The following MED15 variants were observed in gnomAD, a reference collection of about 807,000 sequenced individuals.
MED15 encodes mediator complex subunit 15.
Under a neutral mutation model 118.7 loss-of-function variants are expected in MED15, and 41 were observed. The observed-to-expected ratio is 0.35, with a 90% CI of 0.27 to 0.45. The LOEUF (loss-of-function observed/expected upper bound fraction) is 0.45, where lower values mean the gene tolerates loss of function less well. Among genes scored for constraint, MED15 ranks in the 20% least tolerant of loss-of-function variants. The probability of loss-of-function intolerance (pLI) is 1.00; values close to 1 mark genes in which losing one functional copy is unlikely to be tolerated. For synonymous variants in MED15, 436 were observed against 413.9 expected, an observed-to-expected ratio of 1.05 and a Z score of -0.65; for missense variants, 740 against 1,025.5, an observed-to-expected ratio of 0.72 and a Z score of 3.80.
intron 1 of MED15, among the ~76,000 whole-genome samples, chr22:20,520,540 T>C (rs2054409340): frequency 6.6e-6 from 1 of 152,148 alleles, no homozygotes; most frequent in Non-Finnish European, 1.5e-5. Context: ...GGCTCAGAGC[T>C]CTTGCTTATT....
At chr22:20,573,563 G>A (rs1403688370) in intron 8 of MED15, 1 of 152,192 alleles carries the variant, frequency 6.6e-6, no homozygotes, top group Non-Finnish European at 1.5e-5. Flanking sequence ...TGTGTGTTGG[G>A]AAGTAGTGAA....
rs531013276 is a variant in MED15, at chr22:20,521,275, T to G, written c.68+13529T>G. On this transcript the variant is annotated intron_variant, in intron 1 of 17. Coordinates refer to ENST00000263205, the MANE Select transcript of MED15 (RefSeq NM_001003891.3). ...CCATGCCTAGCTAATTTTTATATTT[T>G]TAGTAGAGACTGGGTTTTGCCATGT... Among the ~76,000 whole-genome samples, 14 of 151,504 alleles carry G rather than the reference T, an allele frequency of 9.2e-5. No individual in the cohort carries two copies. In the South Asian group the frequency reaches 2.9e-3, roughly 32 times the overall value.
chr22:20,531,402 G>A (rs75648513), intron 1 of MED15, among the ~76,000 whole-genome samples: 5,533 of 152,296 alleles, frequency 0.036, 306 homozygotes, highest in African/African-American at 0.13. Context: ...GCCTCTCAGA[G>A]CCCCTCCTTT....
chr22:20,546,511 G>T (rs4821970), intron 2 of MED15, among the ~76,000 whole-genome samples: 112,975 of 133,486 alleles, frequency 0.85, 48,040 homozygotes, highest in African/African-American at 0.94. Context: ...AGTTTTTTTT[G>T]TTTTTTTTTT....
chr22:20,510,537 G>A (rs954839542), intron 1 of MED15, among the ~76,000 whole-genome samples: 1 of 152,208 alleles, frequency 6.6e-6, no homozygotes, highest in Admixed American at 6.5e-5. Flanking sequence ...ATGCCTTGGG[G>A]TGGAACTTGC....
At chr22:20,569,395 G>C (rs1211889303) in intron 8 of MED15, among the ~76,000 whole-genome samples, 1 of 152,244 alleles carries the variant, frequency 6.6e-6, no homozygotes, top group African/African-American at 2.4e-5. Context: ...GCTTTAGAAA[G>C]AGTCAGAATG....
chr22:20,529,944 G>A (rs1250251989), intron 1 of MED15, among the ~76,000 whole-genome samples: 2 of 152,070 alleles, frequency 1.3e-5, no homozygotes, highest in East Asian at 1.9e-4. Flanking sequence ...GGCTGGTCTC[G>A]AACTCCTGAC....
intron 2 of MED15, among the ~76,000 whole-genome samples, chr22:20,540,780 A>G (rs1326227340): frequency 1.3e-5 from 2 of 152,176 alleles, no homozygotes; most frequent in Non-Finnish European, 1.5e-5. Context: ...CTTGTACATC[A>G]TAGGACACTG....
chr22:20,537,212 C>A lies in MED15; in HGVS notation c.156+8C>A, dbSNP rs781683161. ...CTGAAGGCCAAGACCCGGGTAAGGCCCTAGTAAGTGGAGCCACTCTGGCAG... is the reference window on the plus strand; with the variant it reads ...CTGAAGGCCAAGACCCGGGTAAGGCACTAGTAAGTGGAGCCACTCTGGCAG... On this transcript the variant is annotated splice_region_variant and intron_variant, in intron 2 of 17. Transcript: ENST00000263205. 3.8e-6 allele frequency: 6 copies of A among 1,594,964 alleles called. No homozygotes were observed. Among genetic ancestry groups the A allele is most frequent in the Non-Finnish European group, 5.1e-6 (6 of 1,170,878 alleles).
intron 9 of MED15, among the ~76,000 whole-genome samples, chr22:20,577,682 G>T (rs1338094635): frequency 6.6e-6 from 1 of 151,858 alleles, no homozygotes; most frequent in East Asian, 1.9e-4. Context: ...GCGCTCTCAT[G>T]GGAAGATGCT....
At chr22:20,548,211 G>C (rs1452306905) in intron 2 of MED15, among the ~76,000 whole-genome samples, 2 of 152,026 alleles carry the variant, frequency 1.3e-5, no homozygotes, top group Non-Finnish European at 2.9e-5. Flanking sequence ...GCCCAGGCTG[G>C]AGTGCAGTGG....
chr22:20,520,680 C>T lies in MED15; in HGVS notation c.68+12934C>T, dbSNP rs147571222. ...GCACCCAGCCAGGGCAAACTGTGCA[C>T]CACTCTTCTGACTTCCATGGCCAGC... On this transcript the variant is annotated intron_variant, in intron 1 of 17. Coordinates refer to ENST00000263205, the MANE Select transcript of MED15 (RefSeq NM_001003891.3). Among the ~76,000 whole-genome samples the T allele has an allele frequency of 1.7e-3, 255 of 152,320 alleles. 2 individuals are homozygous for T. Among genetic ancestry groups the T allele is most frequent in the African/African-American group, 5.9e-3 (246 of 41,584 alleles).
intron 2 of MED15, among the ~76,000 whole-genome samples, chr22:20,543,437 C>T (rs1401622184): frequency 1.3e-5 from 2 of 150,126 alleles, no homozygotes; most frequent in Non-Finnish European, 3.0e-5. Context: ...GTCTTGAGCT[C>T]CTGACCTCAA....
chr22:20,551,148 A>G, intron 2 of MED15: 3 of 606,320 alleles, frequency 4.9e-6, no homozygotes, highest in Non-Finnish European at 6.4e-6. Context: ...GGCACTCAAG[A>G]TGGCTCCCAG....
At chr22:20,530,857 G>T (rs1326715207) in intron 1 of MED15, among the ~76,000 whole-genome samples, 1 of 152,188 alleles carries the variant, frequency 6.6e-6, no homozygotes, top group African/African-American at 2.4e-5. Context: ...TGCTCATTGG[G>T]CCATCGTCTG....
At chr22:20,565,405 G>C (rs939538759) in intron 6 of MED15, among the ~76,000 whole-genome samples, 3 of 152,204 alleles carry the variant, frequency 2.0e-5, no homozygotes, top group Admixed American at 2.0e-4. Flanking sequence ...TTGGGTTCTG[G>C]GCTCAGTGTT....
intron 2 of MED15, chr22:20,550,894 G>C (rs548984384): frequency 1.4e-5 from 5 of 346,814 alleles, no homozygotes; most frequent in South Asian, 1.1e-4. Context: ...TTGCCTGTGC[G>C]TAAATGGAGA....
At chr22:20,578,299 G>A (rs1371749733) in intron 9 of MED15, among the ~76,000 whole-genome samples, 1 of 152,226 alleles carries the variant, frequency 6.6e-6, no homozygotes, top group Non-Finnish European at 1.5e-5. Flanking sequence ...AGTTGAGGGA[G>A]GGAGAAAAGC....
intron 4 of MED15, 104 bp downstream of exon 4, chr22:20,553,278 G>A (rs2146524726): frequency 1.6e-6 from 2 of 1,214,418 alleles, no homozygotes; most frequent in East Asian, 2.4e-5. Context: ...CCTGTCACTA[G>A]AGGAGAATGC....
Sources: gnomAD v4.1 joint callset for allele counts (sites outside exome capture counted in the v4.1 genomes callset) on GRCh38, gnomAD v4.1.1 for gene constraint, MANE v1.5 for transcripts, NCBI Gene and HGNC (gene_info 2026-07-23, HGNC 2026-07-21) for gene names.